CARD10: variants seen among roughly 807,000 people sequenced by gnomAD.
CARD10 encodes the protein caspase recruitment domain family member 10.
In CARD10, 49 loss-of-function variants were observed where a neutral mutation model predicts 114.6. That is an observed-to-expected ratio of 0.43 (90% CI 0.34 to 0.54). The LOEUF is 0.54. Ranked by LOEUF, CARD10 falls within the 20% of genes least tolerant of loss-of-function variation. The pLI, the probability that CARD10 is intolerant of heterozygous loss-of-function variation, is 0.03. For missense variants in CARD10, 1,206 were observed against 1,397.2 expected (o/e 0.86, Z 2.18); for synonymous variants, 602 against 593.2 (o/e 1.01, Z -0.21).
intron 3 of CARD10, among the ~76,000 whole-genome samples, chr22:37,515,487 C>T (rs893124451): frequency 2.8e-5 from 4 of 145,254 alleles, no homozygotes; most frequent in Non-Finnish European, 6.0e-5. Context: ...CGCTGGAACC[C>T]GGGAGGCAGA....
rs556690412 is a variant in CARD10 at position 37,496,194 on chromosome 22, CAG to C, written c.2060-193_2060-192del. 5.8e-4 allele frequency among the ~76,000 whole-genome samples: 89 copies of C among 152,216 alleles called. No individual in the cohort carries two copies. Among genetic ancestry groups the C allele is most frequent in the Non-Finnish European group, 9.4e-4 (64 of 68,036 alleles). ...GCCCAAGGCCAGTGCCTTCTAGAAA[CAG>C]AGCCAGGACTCAAACCCAGGTCTCT... On this transcript the variant is annotated intron_variant, in intron 13 of 19. Coordinates refer to ENST00000251973, the MANE Select transcript of CARD10 (RefSeq NM_014550.4). The surrounding 1 kb of genome is among the most constrained non-coding windows in gnomAD (Gnocchi z 4.1).
chr22:37,504,029 A>C (rs1350565358), intron 9 of CARD10, 157 bp downstream of exon 9: 1 of 725,564 alleles, frequency 1.4e-6, no homozygotes, highest in Non-Finnish European at 2.5e-6. Flanking sequence ...CCTGTGACTC[A>C]CAGGACCTGG....
Position 37,510,419 on chromosome 22 carries a change from C to T in CARD10, c.702G>A (p.Val234=), listed in dbSNP as rs202164593. The T allele has an allele frequency of 1.4e-4, 228 of 1,613,324 alleles. 1 individual carries two copies. The East Asian group carries it at 3.7e-3, about 26-fold the overall frequency. The change falls in exon 4 of 20, where the codon GTG becomes GTA. Residue 234 remains valine (V), a splice_region_variant and synonymous_variant. Coordinates refer to ENST00000251973, the MANE Select transcript of CARD10 (RefSeq NM_014550.4). ...VLRSRDLQLA[V]DQLKLKVSRL... Reference sequence around the variant, plus strand: ...GACTCACTTTGAGCTTGAGCTGATCCACCTGGAGCCCAAGACATGGGTCAG... The same window carrying T: ...GACTCACTTTGAGCTTGAGCTGATCTACCTGGAGCCCAAGACATGGGTCAG...
At chr22:37,514,744 T>A (rs1255623743) in intron 3 of CARD10, 1 of 152,298 alleles carries the variant, frequency 6.6e-6, no homozygotes, top group Admixed American at 6.5e-5. Flanking sequence ...CAGAACCCAC[T>A]GTGCAGCCTC....
chr22:37,492,208 C>A lies in CARD10; in HGVS notation c.2751+227G>T, dbSNP rs1922826787. On this transcript the variant is annotated intron_variant, in intron 18 of 19. Transcript: ENST00000251973. This position sits in a 1 kb window ranked among gnomAD's most constrained non-coding sequence, Gnocchi z 5.7. Reference sequence around the variant, plus strand: ...ATAAGGATGTGTAGGTGAGCTGTGTCAGCCAAACACCTCAAGGGGGGCCCA... The same window carrying A: ...ATAAGGATGTGTAGGTGAGCTGTGTAAGCCAAACACCTCAAGGGGGGCCCA... Among the ~76,000 whole-genome samples the A allele has an allele frequency of 6.6e-6, 1 of 152,164 alleles. No homozygotes were observed. Among genetic ancestry groups the A allele is most frequent in the African/African-American group, 2.4e-5 (1 of 41,432 alleles).
chr22:37,512,457 C>CA (rs1417909456), intron 3 of CARD10, among the ~76,000 whole-genome samples: 3 of 119,264 alleles, frequency 2.5e-5, no homozygotes, highest in Admixed American at 8.5e-5. Flanking sequence ...AGAATGGCAG[C>CA]CCCCCCTCCA....
In CARD10 at chr22:37,492,738, G is replaced by T. The variant is rs372431956; in HGVS notation, c.2541C>A (p.Pro847=). ...CCAGGCACTCAGGCAACAGCACCAC[G>T]GGCCGCAGGGCAGACACCAGTAGCG... ...VRPLLVSALR[P]VVLLPECLAP... Residue 847 remains proline, a synonymous_variant, in exon 17 of 20, where the codon CCC becomes CCA. Coordinates refer to ENST00000251973, the MANE Select transcript of CARD10 (RefSeq NM_014550.4). The surrounding 1 kb of genome is among the most constrained non-coding windows in gnomAD (Gnocchi z 5.7). The T allele has an allele frequency of 1.2e-6, 2 of 1,613,016 alleles. No homozygotes were observed. Among genetic ancestry groups the T allele is most frequent in the South Asian group, 1.1e-5 (1 of 91,080 alleles).
rs1289125967 is a variant in CARD10, at chr22:37,490,742, G to C, written c.*417C>G. On this transcript the variant is annotated 3_prime_UTR_variant, in exon 20 of 20. Transcript: ENST00000251973. ...CGCGGTAACGGGCTCAGGTCTCCTA[G>C]GAGCAGAACAGGCCCAGGTCCTCAG... is the stretch of plus-strand genomic sequence containing the variant. 1 of 173,420 alleles carries C rather than the reference G, an allele frequency of 5.8e-6. No homozygotes were observed. The highest frequency in any genetic ancestry group is 2.4e-5 in the African/African-American group (1 of 42,132). 10.7% of individuals were successfully genotyped at this position (173,420 alleles called of 1,614,324 possible).
chr22:37,491,750 C>A lies in CARD10; in HGVS notation c.2864+5G>T. Reference sequence around the variant, plus strand: ...CCTGCCCACTGCCCCACCCACCCACCTCACCTGACTTCCCGGACATTCTTC... The same window carrying A: ...CCTGCCCACTGCCCCACCCACCCACATCACCTGACTTCCCGGACATTCTTC... On this transcript the variant is annotated splice_donor_5th_base_variant and intron_variant, in intron 19 of 19. Coordinates refer to ENST00000251973, the MANE Select transcript of CARD10 (RefSeq NM_014550.4). 2 of 1,352,652 alleles carry A rather than the reference C, an allele frequency of 1.5e-6. No individual in the cohort carries two copies. Among genetic ancestry groups the A allele is most frequent in the Non-Finnish European group, 2.1e-6 (2 of 948,022 alleles). 83.8% of individuals were successfully genotyped at this position (1,352,652 alleles called of 1,614,324 possible).
chr22:37,514,545 C>G (rs1923769881), intron 3 of CARD10: 1 of 152,554 alleles, frequency 6.6e-6, no homozygotes, highest in South Asian at 2.1e-4. Context: ...GGACCAGCAG[C>G]CTGGACCCTT....
chr22:37,491,162 G>A lies in CARD10; in HGVS notation c.3096C>T (p.Ala1032=). The A allele has an allele frequency of 6.4e-7, 1 of 1,555,722 alleles. No homozygotes were observed. Among genetic ancestry groups the A allele is most frequent in the Non-Finnish European group, 8.7e-7 (1 of 1,150,826 alleles). ...SSRGCPSSSE[A] is the part of the protein sequence containing the mutation. ...AGGTGCAGGTATCAGATGAGCCTCA[G>A]GCCTCACTGCTGCTGGGGCAGCCTC... Residue 1032 remains alanine (A), a synonymous_variant, in exon 20 of 20, where the codon GCC becomes GCT. Coordinates refer to ENST00000251973, the MANE Select transcript of CARD10 (RefSeq NM_014550.4).
intron 6 of CARD10, 84 bp from the exon 7 acceptor site, chr22:37,506,467 G>T (rs1188765384): frequency 1.9e-6 from 2 of 1,048,812 alleles, no homozygotes; most frequent in Non-Finnish European, 2.7e-6. Context: ...AATGGGGACA[G>T]TAAGGAGAAT....
chr22:37,504,633 A>G lies in CARD10; in HGVS notation c.1518+2T>C. 6.7e-7 allele frequency: 1 copy of G among 1,484,504 alleles called. No homozygotes were observed. Among genetic ancestry groups the G allele is most frequent in the East Asian group, 2.5e-5 (1 of 39,734 alleles). The allele number at this position is 1,484,504 out of a possible 1,614,324, so 92.0% of individuals were successfully genotyped here. A position where few individuals can be genotyped will look rare whatever the true frequency, so the allele number is the denominator to read the frequency against. On this transcript the variant is annotated splice_donor_variant, in intron 8 of 19. Coordinates refer to ENST00000251973, the MANE Select transcript of CARD10 (RefSeq NM_014550.4). LOFTEE classifies it high-confidence loss of function. Reference sequence around the variant, plus strand: ...TTATTTGGGATGGGGCAGTTGTCTTACCGAGTTGTGAGGCTCAGGTCCCCC... The same window carrying G: ...TTATTTGGGATGGGGCAGTTGTCTTGCCGAGTTGTGAGGCTCAGGTCCCCC...
chr22:37,491,496 T>TG (rs1371243991), intron 19 of CARD10, 103 bp from the exon 20 acceptor site: 3 of 668,456 alleles, frequency 4.5e-6, no homozygotes, highest in Non-Finnish European at 6.4e-6. Context: ...AGAGAGAAGA[T>TG]GGACAACCAA....
chr22:37,492,892 T>A lies in CARD10; in HGVS notation c.2477-90A>T. The stretch of plus-strand genomic sequence containing the variant: ...ACCCCAAAACCCACCCCGCCACCCA[T>A]CCCTTCCTAAGTCCTGCTGCTGCTC... On this transcript the variant is annotated intron_variant, in intron 16 of 19. Transcript: ENST00000251973. This position sits in a 1 kb window ranked among gnomAD's most constrained non-coding sequence, Gnocchi z 5.7. 1 of 1,378,096 alleles carries A rather than the reference T, an allele frequency of 7.3e-7. No homozygotes were observed. The highest frequency in any genetic ancestry group is 9.8e-7 in the Non-Finnish European group (1 of 1,016,236). The allele number at this position is 1,378,096 out of a possible 1,614,324, so 85.4% of individuals were successfully genotyped here. A position where few individuals can be genotyped will look rare whatever the true frequency, so the allele number is the denominator to read the frequency against.
At chr22:37,504,585 T>C (rs1375510504) in intron 8 of CARD10, 50 bp downstream of exon 8, 2 of 1,455,550 alleles carry the variant, frequency 1.4e-6, no homozygotes, top group Non-Finnish European at 1.8e-6. Flanking sequence ...ACATTAGTAA[T>C]AATGCTATAG....
intron 4 of CARD10, among the ~76,000 whole-genome samples, chr22:37,509,400 A>G (rs1454113039): frequency 6.6e-6 from 1 of 151,990 alleles, no homozygotes; most frequent in Non-Finnish European, 1.5e-5. Flanking sequence ...CTGCTCACAC[A>G]CCCTAGACCA....
At chr22:37,516,327 G>C in intron 2 of CARD10, 29 bp from the exon 3 acceptor site, 1 of 1,486,204 alleles carries the variant, frequency 6.7e-7, no homozygotes, top group African/African-American at 1.4e-5. Context: ...GGACAGAATA[G>C]GCAGCTCAGG....
chr22:37,504,808 T>C, intron 7 of CARD10, 39 bp from the exon 8 acceptor site: 1 of 1,329,954 alleles, frequency 7.5e-7, no homozygotes, highest in Non-Finnish European at 1.0e-6. Context: ...TGAGCAGTGC[T>C]AGGCCCACGT....
Sources: allele counts gnomAD v4.1 joint callset (sites outside exome capture counted in the v4.1 genomes callset), GRCh38; gene constraint gnomAD v4.1.1; non-coding constraint Gnocchi (gnomAD v3.1); transcripts MANE v1.5; gene names NCBI Gene and HGNC (gene_info 2026-07-23, HGNC 2026-07-21).